Variants in FGB observed in about 807,000 individuals in gnomAD.
FGB encodes beta-fibrinogen.
FGB carries 25 observed loss-of-function variants against 57.9 expected under a neutral mutation model. The ratio of observed to expected loss-of-function variants is 0.43; its 90% CI spans 0.31 to 0.60. The LOEUF (loss-of-function observed/expected upper bound fraction) is 0.60, where lower values mean the gene tolerates loss of function less well. Among genes scored for constraint, FGB ranks in the 20% least tolerant of loss-of-function variants. The pLI is 0.08. For missense variants in FGB, 536 were observed against 598.4 expected, an observed-to-expected ratio of 0.90 and a Z score of 1.09; for synonymous variants, 203 against 199.2, an observed-to-expected ratio of 1.02 and a Z score of -0.16.
intron 1 of FGB, among the ~76,000 whole-genome samples, chr4:154,564,096 A>G (rs1347722706): frequency 5.9e-5 from 9 of 151,972 alleles, no homozygotes; most frequent in African/African-American, 1.9e-4. Context: ...AGGTAAGAAA[A>G]ATGTAAAGAA....
At chr4:154,566,024 G>A in intron 2 of FGB, 25 bp downstream of exon 2, 3 of 1,605,962 alleles carry the variant, frequency 1.9e-6, no homozygotes, top group Non-Finnish European at 2.6e-6. Context: ...GTTTCTTGCA[G>A]TGGTGGCTCT....
At position 154,569,210 on chromosome 4, in the gene FGB, C is replaced by T. The variant is rs146831181; in HGVS notation, c.861C>T (p.Asp287=). The T allele has an allele frequency of 4.0e-5, 65 of 1,614,038 alleles. No individual in the cohort carries two copies. Among genetic ancestry groups the T allele is most frequent in the African/African-American group, 1.1e-4 (8 of 75,016 alleles). The change falls in exon 6 of 8, where the codon GAC becomes GAT. Residue 287 remains aspartate (D), a synonymous_variant. Coordinates refer to ENST00000302068, the MANE Select transcript of FGB (RefSeq NM_005141.5). The part of the protein sequence containing the change: ...GGWTVIQNRQ[D]GSVDFGRKWD... ...GGACAGTGATTCAGAACCGTCAAGA[C>T]GGTAGTGTTGACTTTGGCAGGAAAT...
chr4:154,565,745 G>C (rs1272685166), intron 1 of FGB, 63 bp from the exon 2 acceptor site: 1 of 1,498,108 alleles, frequency 6.7e-7, no homozygotes, highest in South Asian at 1.2e-5. Flanking sequence ...GAGGGTGTTG[G>C]AATAGTTACA....
At position 154,569,680 on chromosome 4, in the gene FGB, C is replaced by T. The variant is rs4681; in HGVS notation, c.1125C>T (p.Tyr375=). The T allele has an allele frequency of 0.17, 271,319 of 1,613,736 alleles. 24,166 individuals carry two copies. Among genetic ancestry groups the T allele is most frequent in the Middle Eastern group, 0.21 (1,275 of 6,062 alleles). Residue 375 remains tyrosine (Y), a synonymous_variant, in exon 7 of 8, where the codon TAC becomes TAT. Transcript: ENST00000302068. ...AATACCAGATCTCAGTGAACAAATA[C>T]AGAGGAACAGCCGGTAATGCCCTCA... ...ANKYQISVNK[Y]RGTAGNALMD...
chr4:154,568,301 G>A, intron 4 of FGB, 80 bp from the exon 5 acceptor site: 2 of 802,382 alleles, frequency 2.5e-6, no homozygotes, highest in Non-Finnish European at 2.2e-6. Context: ...CTTATGTAAT[G>A]TTATTTTAAA....
intron 4 of FGB, 31 bp from the exon 5 acceptor site, chr4:154,568,350 C>T (rs768256798): frequency 4.5e-6 from 5 of 1,101,812 alleles, no homozygotes; most frequent in African/African-American, 3.1e-5. Flanking sequence ...TGTCATAAAC[C>T]CCTGAACATA....
Position 154,570,548 on chromosome 4 carries a change from G to C in FGB, c.1374G>C (p.Lys458Asn), listed in dbSNP as rs1482450097. The change falls in exon 8 of 8, where the codon AAG (lysine) becomes AAC (asparagine). Residue 458 changes from lysine (K) to asparagine (N), a missense_variant. Physicochemically the swap from Lys to Asn is moderately conservative, Grantham distance 94. Transcript: ENST00000302068. ...GACAGTACACCTGGGACATGGCAAA[G>C]CATGGCACAGATGATGGTGTAGTAT... ...WGGQYTWDMA[K>N]HGTDDGVVWM... The C allele has an allele frequency of 1.9e-6, 3 of 1,614,012 alleles. No individual in the cohort carries two copies. The African/African-American group carries it at 4.0e-5, about 22-fold the overall frequency.
chr4:154,564,791 A>C (rs1292298900), intron 1 of FGB, among the ~76,000 whole-genome samples: 1 of 152,152 alleles, frequency 6.6e-6, no homozygotes, highest in Non-Finnish European at 1.5e-5. Flanking sequence ...AGTTAATCCA[A>C]ATCAAAACTT....
intron 1 of FGB, chr4:154,565,155 G>A (rs986245149): frequency 8.7e-6 from 4 of 460,764 alleles, no homozygotes; most frequent in Admixed American, 2.5e-5. Flanking sequence ...TTGTAAGGCA[G>A]ATTCAAACTA....
intron 5 of FGB, among the ~76,000 whole-genome samples, 162 bp downstream of exon 5, chr4:154,568,656 G>A (rs1303405516): frequency 6.9e-6 from 1 of 145,948 alleles, no homozygotes; most frequent in Non-Finnish European, 1.5e-5. Context: ...AACTAGCCTG[G>A]GCAACATAAT....
rs1578784790 is a variant in FGB, at chr4:154,569,202, C to T, written c.853C>T (p.Arg285Cys). The change falls in exon 6 of 8, where the codon CGT (arginine) becomes TGT (cysteine). Residue 285 changes from arginine (R) to cysteine (C), a missense_variant. Arg to Cys is a radical substitution (Grantham distance 180). Around this residue, in one of 3 missense-constraint regions of FGB, gnomAD observed 354 missense variants for 383.4 expected, o/e 0.92. Coordinates refer to ENST00000302068, the MANE Select transcript of FGB (RefSeq NM_005141.5). ...ENGGWTVIQN[R>C]QDGSVDFGRK... ...CAAAGGATGGACAGTGATTCAGAAC[C>T]GTCAAGACGGTAGTGTTGACTTTGG... 4 of 1,614,074 alleles carry T rather than the reference C, an allele frequency of 2.5e-6. No individual in the cohort carries two copies. Among genetic ancestry groups the T allele is most frequent in the Non-Finnish European group, 3.4e-6 (4 of 1,179,992 alleles).
intron 1 of FGB, 98 bp downstream of exon 1, chr4:154,563,230 C>T (rs1451926034): frequency 1.7e-6 from 1 of 602,580 alleles, no homozygotes; most frequent in African/African-American, 1.9e-5. Context: ...ATTAGCATTG[C>T]TTATAGTTAT....
Position 154,569,440 on chromosome 4 carries a change from A to T in FGB, c.959-74A>T, listed in dbSNP as rs1454932015. 1.9e-6 allele frequency: 3 copies of T among 1,586,772 alleles called. No individual in the cohort carries two copies. In the Admixed American group the frequency reaches 5.1e-5, roughly 27 times the overall value. ...CCTGACAAAAATGTGGAAGCTAAAG[A>T]TAAGGGAAGAAAGGCAGTTTTTAGT... On this transcript the variant is annotated intron_variant, in intron 6 of 7. Coordinates refer to ENST00000302068, the MANE Select transcript of FGB (RefSeq NM_005141.5).
At chr4:154,563,528 T>C (rs1730034767) in intron 1 of FGB, among the ~76,000 whole-genome samples, 1 of 151,830 alleles carries the variant, frequency 6.6e-6, no homozygotes, top group Admixed American at 6.6e-5. Flanking sequence ...AAACTGGTGG[T>C]AGGTAGATTG....
At position 154,571,185 on chromosome 4, in the gene FGB, CG is replaced by C. The variant is rs890661909; in HGVS notation, c.*537del. 1 of 186,964 alleles carries C rather than the reference CG, an allele frequency of 5.3e-6. No individual in the cohort carries two copies. The highest frequency in any genetic ancestry group is 2.4e-5 in the African/African-American group (1 of 41,594). The allele number at this position is 186,964 out of a possible 1,614,324, so 11.6% of individuals were successfully genotyped here. The stretch of plus-strand genomic sequence containing the variant: ...TCACAACCTCAAATAGCTAATAAAC[CG>C]GTCTTGAATATTTGAAGATTTAAAA... On this transcript the variant is annotated 3_prime_UTR_variant, in exon 8 of 8. Coordinates refer to ENST00000302068, the MANE Select transcript of FGB (RefSeq NM_005141.5).
chr4:154,566,363 A>T, intron 2 of FGB, 126 bp from the exon 3 acceptor site: 1 of 881,356 alleles, frequency 1.1e-6, no homozygotes, highest in Non-Finnish European at 1.8e-6. Context: ...TTCTGGTCTT[A>T]CAGAAAACCA....
rs777144899 is a variant in FGB at position 154,565,954 on chromosome 4, A to T, written c.261A>T (p.Arg87Ser). 1 of 1,614,006 alleles carries T rather than the reference A, an allele frequency of 6.2e-7. No individual in the cohort carries two copies. The highest frequency in any genetic ancestry group is 1.7e-5 in the Admixed American group (1 of 60,006). The change falls in exon 2 of 8, where the codon AGA becomes AGT. Residue 87 changes from arginine to serine, a missense_variant. By Grantham distance (110) the Arg-to-Ser change is moderately radical. Coordinates refer to ENST00000302068, the MANE Select transcript of FGB (RefSeq NM_005141.5). ...CTGCCACTCAAAAGAAAGTAGAAAG[A>T]AAAGCCCCTGATGCTGGAGGCTGTC... The part of the protein sequence containing the change: ...KAAATQKKVE[R>S]KAPDAGGCLH...
chr4:154,563,084 A>C lies in FGB; in HGVS notation c.66A>C (p.Leu22=), dbSNP rs758377428. Residue 22 remains leucine (L), a synonymous_variant, in exon 1 of 8, where the codon CTA becomes CTC. Transcript: ENST00000302068. ...LKTMKHLLLL[L]LCVFLVKSQG... ...CCATGAAACATCTATTATTGCTACTATTGTGTGTTTTTCTAGTTAAGTCCC... is the reference window on the plus strand; with the variant it reads ...CCATGAAACATCTATTATTGCTACTCTTGTGTGTTTTTCTAGTTAAGTCCC... The C allele has an allele frequency of 3.2e-6, 5 of 1,575,690 alleles. No individual in the cohort carries two copies. Among genetic ancestry groups the C allele is most frequent in the Non-Finnish European group, 4.3e-6 (5 of 1,157,578 alleles).
At position 154,569,897 on chromosome 4, in the gene FGB, C is replaced by A; in HGVS notation, c.1244+98C>A. The A allele has an allele frequency of 2.2e-6, 3 of 1,363,622 alleles. No individual in the cohort carries two copies. In the Admixed American group the frequency reaches 5.2e-5, roughly 24 times the overall value. The allele number at this position is 1,363,622 out of a possible 1,614,324, so 84.5% of individuals were successfully genotyped here. Reference sequence around the variant, plus strand: ...TTTAATAGCTACCACTTCCTGGGCACTTACTGTCAGCCACTGTCCTAAGCT... The same window carrying A: ...TTTAATAGCTACCACTTCCTGGGCAATTACTGTCAGCCACTGTCCTAAGCT... On this transcript the variant is annotated intron_variant, in intron 7 of 7. Transcript: ENST00000302068.
Sources: gnomAD v4.1 joint callset for allele counts (sites outside exome capture counted in the v4.1 genomes callset) on GRCh38, gnomAD v4.1.1 for gene constraint, gnomAD v4.1.1 regional missense constraint, MANE v1.5 for transcripts, NCBI Gene and HGNC (gene_info 2026-07-23, HGNC 2026-07-21) for gene names.